Variants in PRKCZ observed in about 807,000 individuals in gnomAD.
PRKCZ encodes the protein protein kinase C zeta.
Under a neutral mutation model 79.5 loss-of-function variants are expected in PRKCZ, and 33 were observed. That is an observed-to-expected ratio of 0.41 (90% CI 0.31 to 0.55). The LOEUF (loss-of-function observed/expected upper bound fraction) is 0.55. PRKCZ is among the 20% of genes least tolerant of loss of function. The probability of loss-of-function intolerance (pLI) is 0.19; values close to 1 mark genes in which losing one functional copy is unlikely to be tolerated. For missense variants in PRKCZ, 578 were observed against 813.5 expected (o/e 0.71, Z 3.52); for synonymous variants, 342 against 320.9 (o/e 1.07, Z -0.70).
intron 4 of PRKCZ, among the ~76,000 whole-genome samples, chr1:2,123,289 G>T (rs1335317940): frequency 3.7e-5 from 1 of 27,062 alleles, no homozygotes; most frequent in Non-Finnish European, 6.5e-5. Flanking sequence ...TTAGGGTCAC[G>T]GTGGTAGTTA....
intron 16 of PRKCZ, among the ~76,000 whole-genome samples, chr1:2,181,520 GGAAAAGGTGTCAGGCACCAT>G (rs1001101043): frequency 6.6e-6 from 1 of 152,236 alleles, no homozygotes; most frequent in African/African-American, 2.4e-5. Flanking sequence ...GGCGGCGGTG[GGAAAAGGTGTCAGGCACCAT>G]GGGTCCCGAC....
At chr1:2,158,710 C>T (rs1297455944) in intron 10 of PRKCZ, among the ~76,000 whole-genome samples, 1 of 152,180 alleles carries the variant, frequency 6.6e-6, no homozygotes, top group African/African-American at 2.4e-5. Context: ...CGATATCCCA[C>T]CCTCACTTCC....
chr1:2,130,134 G>T (rs1330659472), intron 4 of PRKCZ, among the ~76,000 whole-genome samples: 1 of 152,150 alleles, frequency 6.6e-6, no homozygotes, highest in Non-Finnish European at 1.5e-5. Flanking sequence ...TCAAATTCCT[G>T]GGCTCAAGTG....
intron 4 of PRKCZ, among the ~76,000 whole-genome samples, chr1:2,064,288 T>G (rs768315569): frequency 4.6e-5 from 7 of 152,250 alleles, no homozygotes; most frequent in Non-Finnish European, 8.8e-5. Flanking sequence ...GATATATGAT[T>G]AGCAAATATC....
Position 2,127,540 on chromosome 1 carries a change from A to C in PRKCZ, c.335-7722A>C, listed in dbSNP as rs1164081071. On this transcript the variant is annotated intron_variant, in intron 4 of 17. Transcript: ENST00000378567. This position sits in a 1 kb window ranked among gnomAD's most constrained non-coding sequence, Gnocchi z 5.1. ...CCTCAGCCTCTGGAACGGTGCCTGC[A>C]TGGCTGGCACTATCCAGCGCAGAAG... is the stretch of plus-strand genomic sequence containing the variant. 6.6e-6 allele frequency among the ~76,000 whole-genome samples: 1 copy of C among 152,122 alleles called. No homozygotes were observed. The highest frequency in any genetic ancestry group is 1.9e-4 in the East Asian group (1 of 5,178).
In PRKCZ at chr1:2,075,067, G is replaced by A. The variant is rs1662149569; in HGVS notation, c.334+15476G>A. Reference sequence around the variant, plus strand: ...GTGCGAAGGGACCTCAGCAGACGCAGGGCTGCTCCGCACAGCCAGCTTGGG... The same window carrying A: ...GTGCGAAGGGACCTCAGCAGACGCAAGGCTGCTCCGCACAGCCAGCTTGGG... On this transcript the variant is annotated intron_variant, in intron 4 of 17. Transcript: ENST00000378567. The surrounding 1 kb of genome is among the most constrained non-coding windows in gnomAD (Gnocchi z 4.8). 1.3e-5 allele frequency: 2 copies of A among 152,272 alleles called. No homozygotes were observed. 9.4% of individuals were successfully genotyped at this position (152,272 alleles called of 1,614,324 possible). A position where few individuals can be genotyped will look rare whatever the true frequency, so the allele number is the denominator to read the frequency against.
At chr1:2,092,056 G>C (rs972680123) in intron 4 of PRKCZ, among the ~76,000 whole-genome samples, 2 of 152,154 alleles carry the variant, frequency 1.3e-5, no homozygotes, top group African/African-American at 4.8e-5. Flanking sequence ...ATCTGTCCTT[G>C]CTGCCACCTG....
At chr1:2,176,104 T>A (rs1685451176) in intron 16 of PRKCZ, among the ~76,000 whole-genome samples, 1 of 152,096 alleles carries the variant, frequency 6.6e-6, no homozygotes, top group South Asian at 2.1e-4. Flanking sequence ...GGAATCTGAT[T>A]TCGGTGGTGT....
In PRKCZ at chr1:2,178,430, T is replaced by C. The variant is rs980238831; in HGVS notation, c.1575+3117T>C. 6.6e-6 allele frequency among the ~76,000 whole-genome samples: 1 copy of C among 152,216 alleles called. No individual in the cohort carries two copies. The highest frequency in any genetic ancestry group is 6.5e-5 in the Admixed American group (1 of 15,286). On this transcript the variant is annotated intron_variant, in intron 16 of 17. Transcript: ENST00000378567. This position sits in a 1 kb window ranked among gnomAD's most constrained non-coding sequence, Gnocchi z 4.3. ...CGTGGAGACTGCACCTCTGCATCCGTCCTCAGTGGACATAGGGTGGCCTCC... is the reference window on the plus strand; with the variant it reads ...CGTGGAGACTGCACCTCTGCATCCGCCCTCAGTGGACATAGGGTGGCCTCC...
chr1:2,124,354 G>T (rs75941496), intron 4 of PRKCZ, among the ~76,000 whole-genome samples: 15 of 54,606 alleles, frequency 2.7e-4, no homozygotes, highest in African/African-American at 8.9e-4. Context: ...GGGTCACGGC[G>T]GTGGTTAGGG....
chr1:2,146,476 G>T (rs781205413), intron 7 of PRKCZ, among the ~76,000 whole-genome samples: 2 of 152,246 alleles, frequency 1.3e-5, no homozygotes, highest in Non-Finnish European at 2.9e-5. Context: ...CTGCTGCACA[G>T]AGCTGAGCCC....
At chr1:2,093,497 C>T (rs1444384947) in intron 4 of PRKCZ, among the ~76,000 whole-genome samples, 2 of 152,130 alleles carry the variant, frequency 1.3e-5, no homozygotes, top group Non-Finnish European at 2.9e-5. Context: ...CTCTGGAAGG[C>T]GAAAGGCAGG....
At chr1:2,066,790 T>A (rs1473271792) in intron 4 of PRKCZ, among the ~76,000 whole-genome samples, 1 of 152,244 alleles carries the variant, frequency 6.6e-6, no homozygotes, top group Non-Finnish European at 1.5e-5. Context: ...GCGCCATGGC[T>A]CATGCTTGTA....
At chr1:2,175,440 CCATCCCAACCCCAAATT>C (rs1200700948) in intron 16 of PRKCZ, 127 bp downstream of exon 16, 38 of 703,024 alleles carry the variant, frequency 5.4e-5, no homozygotes, top group African/African-American at 4.4e-4. Flanking sequence ...ACCCCAATAT[CCATCCCAACCCCAAATT>C]CATCCAACCC....
At chr1:2,051,525 C>T (rs1281478277) in intron 1 of PRKCZ, among the ~76,000 whole-genome samples, 1 of 152,212 alleles carries the variant, frequency 6.6e-6, no homozygotes, top group African/African-American at 2.4e-5. Flanking sequence ...GCGAGGGTGG[C>T]TGCTGCTGCA....
chr1:2,182,991 C>G (rs994924939), intron 16 of PRKCZ, among the ~76,000 whole-genome samples: 39 of 151,914 alleles, frequency 2.6e-4, no homozygotes, highest in Admixed American at 1.3e-3. Flanking sequence ...TTTGGGAGGC[C>G]GAGGAGGGCA....
rs933344795 is a variant in PRKCZ, at chr1:2,127,862, A to G, written c.335-7400A>G. 2.6e-5 allele frequency among the ~76,000 whole-genome samples: 4 copies of G among 152,074 alleles called. No individual in the cohort carries two copies. The highest frequency in any genetic ancestry group is 7.2e-5 in the African/African-American group (3 of 41,404). ...GTGGGGAGTCCCACCCCAAACCCCA[A>G]ACTCCAGTGTCTGGGCCACGGGCAG... On this transcript the variant is annotated intron_variant, in intron 4 of 17. Transcript: ENST00000378567. The surrounding 1 kb of genome is among the most constrained non-coding windows in gnomAD (Gnocchi z 5.1).
In PRKCZ at chr1:2,158,709, A is replaced by T. The variant is rs140730610; in HGVS notation, c.974+2617A>T. 1.4e-4 allele frequency among the ~76,000 whole-genome samples: 22 copies of T among 152,154 alleles called. No homozygotes were observed. The East Asian group carries it at 4.3e-3, about 29-fold the overall frequency. The stretch of plus-strand genomic sequence containing the variant: ...AGATGTATAAGGGGTCCGATATCCC[A>T]CCCTCACTTCCCCTGAGTGGCCCAA... On this transcript the variant is annotated intron_variant, in intron 10 of 17. Transcript: ENST00000378567.
At chr1:2,109,827 G>A (rs973619157) in intron 4 of PRKCZ, among the ~76,000 whole-genome samples, 1 of 152,152 alleles carries the variant, frequency 6.6e-6, no homozygotes, top group Admixed American at 6.5e-5. Flanking sequence ...TCGGTGGTGG[G>A]AGCCGCCGGG....
Sources: allele counts gnomAD v4.1 joint callset (sites outside exome capture counted in the v4.1 genomes callset), GRCh38; gene constraint gnomAD v4.1.1; non-coding constraint Gnocchi (gnomAD v3.1); transcripts MANE v1.5; gene names NCBI Gene and HGNC (gene_info 2026-07-23, HGNC 2026-07-21).